The following TRIM5 variants were observed in gnomAD, a reference collection of about 807,000 sequenced individuals.
TRIM5 encodes the protein tripartite motif containing 5, also known as tripartite motif-containing protein 5.
Under a neutral mutation model 35.6 loss-of-function variants are expected in TRIM5, and 31 were observed. The observed-to-expected ratio is 0.87, with a 90% confidence interval of 0.65 to 1.18. TRIM5 has a LOEUF of 1.18. Ranked by LOEUF, TRIM5 falls within the 50% of genes most tolerant of loss-of-function variation. The pLI, the probability that TRIM5 is intolerant of heterozygous loss-of-function variation, is 0.00. For synonymous variants in TRIM5, 243 were observed against 215.6 expected, an observed-to-expected ratio of 1.13 and a Z score of -1.11; for missense variants, 609 against 591.6, an observed-to-expected ratio of 1.03 and a Z score of -0.31.
chr11:5,678,859 T>G (rs1852202159), intron 3 of TRIM5, among the ~76,000 whole-genome samples: 1 of 152,174 alleles, frequency 6.6e-6, no homozygotes, highest in Non-Finnish European at 1.5e-5. Context: ...CTAGCCATCC[T>G]CACCAGAGAG....
chr11:5,637,382 C>G, the TRIM5 span, among the ~76,000 whole-genome samples: 1 of 152,168 alleles, frequency 6.6e-6, no homozygotes, highest in Non-Finnish European at 1.5e-5. Flanking sequence ...AAAGAACGAT[C>G]TAGACAGAAA....
intron 4 of TRIM5, among the ~76,000 whole-genome samples, chr11:5,676,236 C>T (rs185761345): frequency 2.0e-5 from 3 of 152,136 alleles, no homozygotes; most frequent in East Asian, 1.9e-4. Flanking sequence ...ATGGCTGGGT[C>T]AAATGGTATA....
At chr11:5,671,790 A>C (rs562791304) in intron 4 of TRIM5, among the ~76,000 whole-genome samples, 1 of 144,234 alleles carries the variant, frequency 6.9e-6, no homozygotes, top group Non-Finnish European at 1.5e-5. Flanking sequence ...ATGTTGCTAC[A>C]TTTTCAAGTA....
the TRIM5 span, chr11:5,632,232 C>A: frequency 6.4e-7 from 1 of 1,574,170 alleles, no homozygotes; most frequent in South Asian, 1.2e-5. Flanking sequence ...CATTCTTATA[C>A]CATCCCCTTT....
chr11:5,683,630 A>G (rs879248129), intron 1 of TRIM5, among the ~76,000 whole-genome samples: 1 of 152,134 alleles, frequency 6.6e-6, no homozygotes, highest in South Asian at 2.1e-4. Flanking sequence ...GAATGCACCA[A>G]TCGACACTCT....
At chr11:5,670,228 A>G (rs142435216) in intron 4 of TRIM5, among the ~76,000 whole-genome samples, 23,756 of 121,886 alleles carry the variant, frequency 0.19, 2,741 homozygotes, top group East Asian at 0.48. Context: ...CCCAGGCTGG[A>G]GTGCAGTGGT....
At chr11:5,661,786 C>G (rs1247104912), downstream of TRIM5, among the ~76,000 whole-genome samples, 1 of 152,152 alleles carries the variant, frequency 6.6e-6, no homozygotes, top group Non-Finnish European at 1.5e-5. Flanking sequence ...TCATAAGCTT[C>G]ATATTCTTTT....
intron 4 of TRIM5, chr11:5,677,911 AC>A: frequency 4.0e-6 from 1 of 252,332 alleles, no homozygotes; most frequent in Non-Finnish European, 7.4e-6. Flanking sequence ...GAAAAGCTGC[AC>A]TGGTAAGTCT....
At chr11:5,645,392 CA>C in the TRIM5 span, among the ~76,000 whole-genome samples, 700 of 95,740 alleles carry the variant, frequency 7.3e-3, 5 homozygotes, top group African/African-American at 0.02. Flanking sequence ...AACTCTGTCT[CA>C]AAAAAAAAAA....
At chr11:5,676,096 T>C (rs1851959428) in intron 4 of TRIM5, among the ~76,000 whole-genome samples, 2 of 145,650 alleles carry the variant, frequency 1.4e-5, no homozygotes, top group Non-Finnish European at 3.0e-5. Flanking sequence ...TAATCCAGTC[T>C]ATCATTGTTG....
the TRIM5 span, among the ~76,000 whole-genome samples, chr11:5,636,288 G>A: frequency 6.6e-6 from 1 of 152,148 alleles, no homozygotes; most frequent in Non-Finnish European, 1.5e-5. Context: ...TTTTTTGTAT[G>A]ATTCCATTTA....
the TRIM5 span, among the ~76,000 whole-genome samples, chr11:5,607,761 CAA>C: frequency 2.6e-5 from 4 of 152,248 alleles, no homozygotes; most frequent in Non-Finnish European, 5.9e-5. Flanking sequence ...GGAAGGGAGA[CAA>C]GAGTTGCCGA....
At chr11:5,640,475 T>C in the TRIM5 span, among the ~76,000 whole-genome samples, 1 of 151,466 alleles carries the variant, frequency 6.6e-6, no homozygotes, top group African/African-American at 2.5e-5. Flanking sequence ...CTTGCATTTC[T>C]GGGATAAATT....
chr11:5,652,275 T>C, the TRIM5 span, among the ~76,000 whole-genome samples: 1 of 152,200 alleles, frequency 6.6e-6, no homozygotes, highest in Non-Finnish European at 1.5e-5. Flanking sequence ...CTAGGTAATC[T>C]TCTAGGGTTT....
intron 4 of TRIM5, among the ~76,000 whole-genome samples, chr11:5,675,055 G>A (rs1851841465): frequency 6.6e-6 from 1 of 151,656 alleles, no homozygotes; most frequent in African/African-American, 2.4e-5. Flanking sequence ...TTGAGATGGA[G>A]TCTCGCACTG....
At chr11:5,604,408 G>A in the TRIM5 span, 27 of 1,049,290 alleles carry the variant, frequency 2.6e-5, no homozygotes, top group African/African-American at 4.1e-4. Flanking sequence ...GCCCTCTCAA[G>A]TTTTCATCCT....
the TRIM5 span, among the ~76,000 whole-genome samples, chr11:5,635,423 T>A: frequency 6.6e-6 from 1 of 151,792 alleles, no homozygotes; most frequent in Admixed American, 6.6e-5. Context: ...TCTGGCTAAT[T>A]TTTTTTGTAT....
At chr11:5,601,904 A>G in the TRIM5 span, among the ~76,000 whole-genome samples, 1 of 152,188 alleles carries the variant, frequency 6.6e-6, no homozygotes, top group African/African-American at 2.4e-5. Flanking sequence ...TAGAGATCAG[A>G]TACCAGAGAG....
At chr11:5,637,602 A>C in the TRIM5 span, among the ~76,000 whole-genome samples, 1 of 152,130 alleles carries the variant, frequency 6.6e-6, no homozygotes, top group Non-Finnish European at 1.5e-5. Context: ...AGGTTTCTTA[A>C]AATTTTAGAT....
Sources: allele counts gnomAD v4.1 joint callset (sites outside exome capture counted in the v4.1 genomes callset), GRCh38; gene constraint gnomAD v4.1.1; transcripts MANE v1.5; gene names NCBI Gene and HGNC (gene_info 2026-07-23, HGNC 2026-07-21).